The following PTPRM variants were observed in gnomAD, a reference collection of about 807,000 sequenced individuals.
The protein encoded by PTPRM is receptor-type tyrosine-protein phosphatase mu.
In PTPRM, 47 loss-of-function variants were observed where a neutral mutation model predicts 186.7. The observed-to-expected ratio is 0.25, with a 90% CI of 0.20 to 0.32. The LOEUF (loss-of-function observed/expected upper bound fraction) is 0.32, where lower values mean the gene tolerates loss of function less well. PTPRM is among the 10% of genes least tolerant of loss of function. The pLI is 1.00. For synonymous variants in PTPRM, 668 were observed against 674.9 expected (o/e 0.99, Z 0.16); for missense variants, 1,494 against 1,865.0 (o/e 0.80, Z 3.66).
At chr18:8,012,067 G>A (rs751636359) in intron 7 of PTPRM, among the ~76,000 whole-genome samples, 2 of 152,120 alleles carry the variant, frequency 1.3e-5, no homozygotes, top group Non-Finnish European at 2.9e-5. Flanking sequence ...CTCTCTAGTG[G>A]ACCTATCTGT....
At chr18:8,009,305 C>T (rs2084376018) in intron 7 of PTPRM, among the ~76,000 whole-genome samples, 1 of 150,830 alleles carries the variant, frequency 6.6e-6, no homozygotes, top group Non-Finnish European at 1.5e-5. Context: ...GGCAGTTATA[C>T]CTTATTGGCT....
intron 1 of PTPRM, among the ~76,000 whole-genome samples, chr18:7,709,490 C>T (rs2040167098): frequency 6.6e-6 from 1 of 151,936 alleles, no homozygotes; most frequent in Non-Finnish European, 1.5e-5. Context: ...AATGTCACAC[C>T]TCAAAGAACT....
At chr18:7,818,507 C>T (rs569778887) in intron 2 of PTPRM, among the ~76,000 whole-genome samples, 170 of 152,316 alleles carry the variant, frequency 1.1e-3, no homozygotes, top group African/African-American at 3.7e-3. Flanking sequence ...AGGTTGTATT[C>T]ATCTATGTAT....
intron 7 of PTPRM, among the ~76,000 whole-genome samples, chr18:8,051,771 T>C (rs1428428275): frequency 6.6e-6 from 1 of 152,238 alleles, no homozygotes; most frequent in Admixed American, 6.5e-5. Flanking sequence ...TTTTATTCTT[T>C]TGACAATAAT....
intron 14 of PTPRM, among the ~76,000 whole-genome samples, chr18:8,204,440 TAGAA>T (rs2093898259): frequency 6.6e-6 from 1 of 151,734 alleles, no homozygotes; most frequent in Non-Finnish European, 1.5e-5. Context: ...GAAATATAAA[TAGAA>T]GGAAGATTCG....
chr18:8,368,256 A>C (rs1323171096), intron 23 of PTPRM, among the ~76,000 whole-genome samples: 1 of 151,728 alleles, frequency 6.6e-6, no homozygotes, highest in African/African-American at 2.4e-5. Context: ...GACACTCTTG[A>C]AATGAAATCA....
Position 8,358,131 on chromosome 18 carries a change from TC to T in PTPRM, c.3055-12750del, listed in dbSNP as rs142247547. 1.1e-4 allele frequency among the ~76,000 whole-genome samples: 16 copies of T among 147,608 alleles called. 1 individual carries two copies. In the South Asian group the frequency reaches 2.0e-3, roughly 18 times the overall value. On this transcript the variant is annotated intron_variant, in intron 23 of 32. Transcript: ENST00000580170. ...CACATTTTTGTTTAAGGCTAGCTAT[TC>T]CCCCCCCCACACACACACACATTTG...
chr18:7,906,212 C>A (rs1375997580), intron 3 of PTPRM, among the ~76,000 whole-genome samples: 1 of 152,152 alleles, frequency 6.6e-6, no homozygotes, highest in Admixed American at 6.5e-5. Context: ...CCTTGCTTTT[C>A]CTACAGTGTA....
At chr18:8,162,463 G>A (rs143786346) in intron 14 of PTPRM, among the ~76,000 whole-genome samples, 18 of 152,230 alleles carry the variant, frequency 1.2e-4, no homozygotes, top group African/African-American at 3.9e-4. Flanking sequence ...AAACAACTCC[G>A]CCAGTGTAGG....
At chr18:8,368,989 C>T (rs191193035) in intron 23 of PTPRM, among the ~76,000 whole-genome samples, 5 of 152,264 alleles carry the variant, frequency 3.3e-5, no homozygotes, top group Admixed American at 2.6e-4. Flanking sequence ...AAAGAGCTCA[C>T]ATCTATGGAG....
intron 14 of PTPRM, among the ~76,000 whole-genome samples, chr18:8,152,468 C>T (rs1326394035): frequency 6.6e-6 from 1 of 152,116 alleles, no homozygotes; most frequent in East Asian, 1.9e-4. Context: ...CACAGCTGTG[C>T]GCATCCCTGG....
intron 1 of PTPRM, among the ~76,000 whole-genome samples, chr18:7,724,729 G>C (rs2040511801): frequency 6.6e-6 from 1 of 152,216 alleles, no homozygotes; most frequent in African/African-American, 2.4e-5. Flanking sequence ...GATTAAGAAA[G>C]TAGTATTAAA....
intron 8 of PTPRM, among the ~76,000 whole-genome samples, chr18:8,073,634 A>G (rs1286720156): frequency 6.6e-5 from 10 of 152,178 alleles, no homozygotes; most frequent in African/African-American, 2.2e-4. Context: ...TGGGTATAGT[A>G]ACTCATGCCT....
chr18:7,845,193 A>G (rs7230303), intron 2 of PTPRM, among the ~76,000 whole-genome samples: 80,986 of 151,996 alleles, frequency 0.53, 21,774 homozygotes, highest in Admixed American at 0.64. Flanking sequence ...TTCATGATCT[A>G]TCATAGGTAA....
chr18:8,134,830 G>A (rs1158770836), intron 13 of PTPRM, among the ~76,000 whole-genome samples: 2 of 152,036 alleles, frequency 1.3e-5, no homozygotes, highest in East Asian at 3.9e-4. Flanking sequence ...ATAACCACTT[G>A]AGTTTTCTGT....
intron 1 of PTPRM, among the ~76,000 whole-genome samples, chr18:7,734,192 G>A (rs954319288): frequency 3.9e-4 from 60 of 152,226 alleles, no homozygotes; most frequent in African/African-American, 1.4e-3. Flanking sequence ...TCTTCATTTC[G>A]AGTACCACAA....
chr18:7,579,121 G>C (rs796575790), intron 1 of PTPRM, among the ~76,000 whole-genome samples: 1 of 152,098 alleles, frequency 6.6e-6, no homozygotes, highest in South Asian at 2.1e-4. Flanking sequence ...CATTATGTTT[G>C]AAAAGAAAAA....
chr18:8,060,904 G>A (rs1266333051), intron 7 of PTPRM, among the ~76,000 whole-genome samples: 1 of 55,446 alleles, frequency 1.8e-5, no homozygotes, highest in East Asian at 2.9e-4. Context: ...AATAGGTGTG[G>A]TGTGGTGCTG....
intron 7 of PTPRM, among the ~76,000 whole-genome samples, chr18:7,958,410 G>T (rs758330073): frequency 6.6e-6 from 1 of 152,232 alleles, no homozygotes; most frequent in Non-Finnish European, 1.5e-5. Flanking sequence ...GGATAGGAAA[G>T]GATGTGGAAC....
Sources: allele counts gnomAD v4.1 joint callset (sites outside exome capture counted in the v4.1 genomes callset), GRCh38; gene constraint gnomAD v4.1.1; transcripts MANE v1.5; gene names NCBI Gene and HGNC (gene_info 2026-07-23, HGNC 2026-07-21).